CHRD: variants seen among roughly 807,000 people sequenced by gnomAD.
CHRD encodes the protein chordin.
A neutral mutation model predicts 113.7 loss-of-function variants in CHRD; 69 were observed. That is an observed-to-expected ratio of 0.61 (90% CI 0.50 to 0.74). The LOEUF (loss-of-function observed/expected upper bound fraction) is 0.74, where lower values mean the gene tolerates loss of function less well. Ranked by LOEUF, CHRD falls within the 30% of genes least tolerant of loss-of-function variation. The probability of loss-of-function intolerance (pLI) is 0.00; values close to 1 mark genes in which losing one functional copy is unlikely to be tolerated. For missense variants in CHRD, 1,194 were observed against 1,295.8 expected (o/e 0.92, Z 1.21); for synonymous variants, 561 against 540.8 (o/e 1.04, Z -0.52).
Position 184,384,964 on chromosome 3 carries a change from G to A in CHRD, c.1598-54G>A. ...GGGGAGCTGGGAATGCTGGGTTTGA[G>A]GGCTTGCCCTAGGCCACCTTCTCAC... On this transcript the variant is annotated intron_variant, in intron 13 of 22. Coordinates refer to ENST00000204604, the Ensembl canonical transcript of CHRD. This position sits in a 1 kb window ranked among gnomAD's most constrained non-coding sequence, Gnocchi z 4.4. 4 of 1,563,810 alleles carry A rather than the reference G, an allele frequency of 2.6e-6. No homozygotes were observed. The East Asian group carries it at 9.0e-5, about 35-fold the overall frequency.
Position 184,387,680 on chromosome 3 carries a change from A to G in CHRD, c.2451+203A>G, listed in dbSNP as rs1393626762. ...CCTGGGTGTGGATTCTGGCTCTGCC[A>G]GCTAACTAGTGCCAGTGACCCTAGG... On this transcript the variant is annotated intron_variant, in intron 19 of 22. Coordinates refer to ENST00000204604, the Ensembl canonical transcript of CHRD. The surrounding 1 kb of genome is among the most constrained non-coding windows in gnomAD (Gnocchi z 6.1). Among the ~76,000 whole-genome samples, 2 of 152,192 alleles carry G rather than the reference A, an allele frequency of 1.3e-5. No homozygotes were observed. Among genetic ancestry groups the G allele is most frequent in the African/African-American group, 4.8e-5 (2 of 41,446 alleles).
chr3:184,383,114 G>A, exon 10 of CHRD: 6 of 1,610,426 alleles, frequency 3.7e-6, no homozygotes, highest in Non-Finnish European at 5.1e-6. Flanking sequence ...GGGCAGGCAG[G>A]CCAGGGCTGC....
Position 184,383,006 on chromosome 3 carries a change from C to A in CHRD, c.1066-10C>A. ...TTGCTATTGCCCATCACACCCTGCT[C>A]TGTCCCCAGGAACCAGGCTTTGCTG... On this transcript the variant is annotated splice_polypyrimidine_tract_variant and intron_variant, in intron 9 of 22. Coordinates refer to ENST00000204604, the Ensembl canonical transcript of CHRD. 1.2e-6 allele frequency: 2 copies of A among 1,612,666 alleles called. No individual in the cohort carries two copies. Among genetic ancestry groups the A allele is most frequent in the Non-Finnish European group, 1.7e-6 (2 of 1,179,440 alleles).
rs780735490 is a variant in CHRD, at chr3:184,381,301, C to G, written c.319C>G (p.Pro107Ala). The G allele has an allele frequency of 6.2e-7, 1 of 1,611,556 alleles. No individual in the cohort carries two copies. The highest frequency in any genetic ancestry group is 8.5e-7 in the Non-Finnish European group (1 of 1,179,296). Residue 107 changes from proline (P) to alanine (A), a missense_variant, in exon 3 of 23, where the codon CCA (proline) becomes GCA (alanine). Physicochemically the swap from Pro to Ala is conservative, Grantham distance 27. Transcript: ENST00000204604. This position sits in a 1 kb window ranked among gnomAD's most constrained non-coding sequence, Gnocchi z 4.7. The stretch of plus-strand genomic sequence containing the variant: ...CTGCAAGAACATCAAACCAGAGTGC[C>G]CAACCCCGGCCTGTGGGCAGCCGCG...
At chr3:184,383,188 C>G (rs201981550) in intron 10 of CHRD, 25 bp downstream of exon 10, 1 of 1,590,266 alleles carries the variant, frequency 6.3e-7, no homozygotes, top group Non-Finnish European at 8.6e-7. Context: ...GGGCCTGGTG[C>G]GCCGGGCATG....
downstream of CHRD, chr3:184,390,421 G>A (rs1458056970): frequency 1.3e-5 from 2 of 151,700 alleles, no homozygotes; most frequent in South Asian, 2.1e-4. Flanking sequence ...TACCTTCTTT[G>A]TCTAAAGTGA....
chr3:184,380,363 G>A lies in CHRD; in HGVS notation c.45G>A (p.Gly15=), dbSNP rs1290431445. 1 of 1,355,198 alleles carries A rather than the reference G, an allele frequency of 7.4e-7. No individual in the cohort carries two copies. The highest frequency in any genetic ancestry group is 2.7e-5 in the Admixed American group (1 of 37,054). 83.9% of individuals were successfully genotyped at this position (1,355,198 alleles called of 1,614,324 possible). ...CGCCGGCCCCGCTGCTGCTCCTCGGGCTGCTGCTGCTCGGCTCCCGGCCGG... is the reference window on the plus strand; with the variant it reads ...CGCCGGCCCCGCTGCTGCTCCTCGGACTGCTGCTGCTCGGCTCCCGGCCGG... The change falls in exon 1 of 23, where the codon GGG becomes GGA. Residue 15 remains glycine, a synonymous_variant. Coordinates refer to ENST00000204604, the Ensembl canonical transcript of CHRD. This position sits in a 1 kb window ranked among gnomAD's most constrained non-coding sequence, Gnocchi z 6.3.
At chr3:184,382,238 A>G in intron 6 of CHRD, 151 bp from the exon 7 acceptor site, 1 of 1,319,182 alleles carries the variant, frequency 7.6e-7, no homozygotes, top group Admixed American at 1.9e-5. Context: ...TTGGAACCCA[A>G]GCATCTGGCT....
In CHRD at chr3:184,383,326, C is replaced by A. The variant is rs752212094; in HGVS notation, c.1228C>A (p.Leu410Ile). 3.1e-6 allele frequency: 5 copies of A among 1,613,700 alleles called. No homozygotes were observed. In the Admixed American group the frequency reaches 8.3e-5, roughly 27 times the overall value. ...CCCCTCCGTAGTCCTGCAAAGTGTC[C>A]TTTGTGGGGCTGATGCCCTGATCCC... Residue 410 changes from leucine to isoleucine, a missense_variant, in exon 11 of 23, where the codon CTT becomes ATT. By Grantham distance (5) the Leu-to-Ile change is conservative. Transcript: ENST00000204604.
chr3:184,382,411 T>C (rs1398392437), exon 7 of CHRD: 1 of 1,614,080 alleles, frequency 6.2e-7, no homozygotes, highest in Admixed American at 1.7e-5. Context: ...TGGCGGGCAG[T>C]GCCTCGGTTG....
Position 184,387,190 on chromosome 3 carries a change from T to C in CHRD, c.2347+83T>C. The C allele has an allele frequency of 1.4e-6, 2 of 1,401,284 alleles. No individual in the cohort carries two copies. The allele number at this position is 1,401,284 out of a possible 1,614,324, so 86.8% of individuals were successfully genotyped here. A position where few individuals can be genotyped will look rare whatever the true frequency, so the allele number is the denominator to read the frequency against. Reference sequence around the variant, plus strand: ...CAGGAGGGGGACAAGAAGGGGAGAGTATATAGGGGGTGGCCTGAGGGGCAC... The same window carrying C: ...CAGGAGGGGGACAAGAAGGGGAGAGCATATAGGGGGTGGCCTGAGGGGCAC... On this transcript the variant is annotated intron_variant, in intron 18 of 22. Coordinates refer to ENST00000204604, the Ensembl canonical transcript of CHRD. This position sits in a 1 kb window ranked among gnomAD's most constrained non-coding sequence, Gnocchi z 6.1.
In CHRD at chr3:184,381,671, A is replaced by G. The variant is rs1479773527; in HGVS notation, c.512-45A>G. 6.2e-7 allele frequency: 1 copy of G among 1,606,490 alleles called. No individual in the cohort carries two copies. The highest frequency in any genetic ancestry group is 8.5e-7 in the Non-Finnish European group (1 of 1,176,044). On this transcript the variant is annotated intron_variant, in intron 4 of 22. Coordinates refer to ENST00000204604, the Ensembl canonical transcript of CHRD. This position sits in a 1 kb window ranked among gnomAD's most constrained non-coding sequence, Gnocchi z 4.7. ...GGGTTGTGGTTGAGGCTGGGCCACC[A>G]AAGCGGCGTTTGACAGTGCTCAGGC...
In CHRD at chr3:184,381,068, T is replaced by C. The variant is rs1178739151; in HGVS notation, c.253-167T>C. The C allele has an allele frequency of 6.1e-6, 5 of 826,074 alleles. No homozygotes were observed. In the African/African-American group the frequency reaches 8.4e-5, roughly 14 times the overall value. 51.2% of individuals were successfully genotyped at this position (826,074 alleles called of 1,614,324 possible). ...TAGATAGAGAGTATTATTATCCCCA[T>C]TTTCCAGACAGGGACCTTGAGGCCC... On this transcript the variant is annotated intron_variant, in intron 2 of 22. Transcript: ENST00000204604. This position sits in a 1 kb window ranked among gnomAD's most constrained non-coding sequence, Gnocchi z 4.7.
rs1229778326 is a variant in CHRD, at chr3:184,388,649, C to A, written c.2617C>A (p.Arg873Ser). 6.2e-7 allele frequency: 1 copy of A among 1,613,768 alleles called. No homozygotes were observed. Among genetic ancestry groups the A allele is most frequent in the Admixed American group, 1.7e-5 (1 of 60,018 alleles). ...GCAGGCTGATGGGCCCCGGGGCTGCCGTTTTGCTGGGCAGTGGTTCCCAGA... is the reference window on the plus strand; with the variant it reads ...GCAGGCTGATGGGCCCCGGGGCTGCAGTTTTGCTGGGCAGTGGTTCCCAGA... Residue 873 changes from arginine (R) to serine (S), a missense_variant, in exon 21 of 23, where the codon CGT (arginine) becomes AGT (serine). Transcript: ENST00000204604. The surrounding 1 kb of genome is among the most constrained non-coding windows in gnomAD (Gnocchi z 6.1).
chr3:184,384,762 C>CCCTAA lies in CHRD; in HGVS notation c.1597+69_1597+70insCCTAA. The CCCTAA allele has an allele frequency of 1.3e-6, 2 of 1,489,800 alleles. No individual in the cohort carries two copies. Among genetic ancestry groups the CCCTAA allele is most frequent in the Non-Finnish European group, 1.8e-6 (2 of 1,120,200 alleles). 92.3% of individuals were successfully genotyped at this position (1,489,800 alleles called of 1,614,324 possible). A position where few individuals can be genotyped will look rare whatever the true frequency, so the allele number is the denominator to read the frequency against. On this transcript the variant is annotated intron_variant, in intron 13 of 22. Coordinates refer to ENST00000204604, the Ensembl canonical transcript of CHRD. The surrounding 1 kb of genome is among the most constrained non-coding windows in gnomAD (Gnocchi z 4.4). ...CATTTGAGGGATGGTGGCAGACAGC[C>CCCTAA]GGAGCCTGGTGTGTCTTTCTTTGTG...
chr3:184,387,139 G>T lies in CHRD; in HGVS notation c.2347+32G>T. The T allele has an allele frequency of 1.2e-6, 2 of 1,601,664 alleles. No individual in the cohort carries two copies. Among genetic ancestry groups the T allele is most frequent in the Non-Finnish European group, 1.7e-6 (2 of 1,168,726 alleles). On this transcript the variant is annotated intron_variant, in intron 18 of 22. Coordinates refer to ENST00000204604, the Ensembl canonical transcript of CHRD. This position sits in a 1 kb window ranked among gnomAD's most constrained non-coding sequence, Gnocchi z 6.1. ...TGGAAGGGTGCGTGCAGGGTGGGAG[G>T]CCCCAGAGGAGCCATTAGGTTGAAC...
rs768605437 is a variant in CHRD, at chr3:184,388,989, C to T, written c.2806C>T (p.Arg936Trp). 8.7e-6 allele frequency: 14 copies of T among 1,608,864 alleles called. No homozygotes were observed. Among genetic ancestry groups the T allele is most frequent in the Admixed American group, 6.7e-5 (4 of 59,992 alleles). The change falls in exon 22 of 23, where the codon CGG becomes TGG. Residue 936 changes from arginine to tryptophan, a missense_variant. Transcript: ENST00000204604. This position sits in a 1 kb window ranked among gnomAD's most constrained non-coding sequence, Gnocchi z 6.1. ...ATGCTGTTCCCGCTGCACGGCCCAC[C>T]GGCGGCGTAAGTGAGGGAGTCCAGG... is the stretch of plus-strand genomic sequence containing the variant.
chr3:184,383,178 G>C lies in CHRD; in HGVS notation c.1213+15G>C, dbSNP rs762679891. On this transcript the variant is annotated intron_variant, in intron 10 of 22. Transcript: ENST00000204604. ...GAGCTGCGACGGTGAGGCGGGGGGGGGGCCTGGTGCGCCGGGCATGCACAA... is the reference window on the plus strand; with the variant it reads ...GAGCTGCGACGGTGAGGCGGGGGGGCGGCCTGGTGCGCCGGGCATGCACAA... The C allele has an allele frequency of 6.3e-7, 1 of 1,594,870 alleles. No homozygotes were observed. Among genetic ancestry groups the C allele is most frequent in the Admixed American group, 1.7e-5 (1 of 59,228 alleles).
At position 184,380,761 on chromosome 3, in the gene CHRD, G is replaced by T; in HGVS notation, c.218G>T (p.Gly73Val). ...CACCCGGACCTAGGGGAGCCATTCG[G>T]GGTGATGCGCTGCGTGCTGTGCGCC... Residue 73 changes from glycine (G) to valine (V), a missense_variant, in exon 2 of 23, where the codon GGG becomes GTG. By Grantham distance (109) the Gly-to-Val change is moderately radical. Transcript: ENST00000204604. This position sits in a 1 kb window ranked among gnomAD's most constrained non-coding sequence, Gnocchi z 6.3. 1 of 1,600,266 alleles carries T rather than the reference G, an allele frequency of 6.2e-7. No individual in the cohort carries two copies.
Sources: gnomAD v4.1 joint callset for allele counts (sites outside exome capture counted in the v4.1 genomes callset) on GRCh38, gnomAD v4.1.1 for gene constraint, Gnocchi (gnomAD v3.1) non-coding constraint, MANE v1.5 for transcripts, NCBI Gene and HGNC (gene_info 2026-07-23, HGNC 2026-07-21) for gene names.